ENTREP2: variants seen among roughly 807,000 people sequenced by gnomAD.
ENTREP2 encodes the protein protein ENTREP2.
the ENTREP2 span, among the ~76,000 whole-genome samples, chr15:29,461,421 G>A: frequency 1.3e-5 from 2 of 152,118 alleles, no homozygotes; most frequent in Admixed American, 6.6e-5. Context: ...ATTTGATGGT[G>A]TTGATTTTTA....
chr15:29,136,901 C>CT, the ENTREP2 span: 11 of 822,948 alleles, frequency 1.3e-5, no homozygotes, highest in South Asian at 2.3e-4. Flanking sequence ...CGCTGTATGT[C>CT]TAAGACCCTC....
chr15:29,214,255 C>T, the ENTREP2 span, among the ~76,000 whole-genome samples: 2 of 152,194 alleles, frequency 1.3e-5, no homozygotes, highest in Non-Finnish European at 2.9e-5. Context: ...TTTACTGCGG[C>T]ACTATTCACA....
At chr15:29,352,771 T>A in the ENTREP2 span, among the ~76,000 whole-genome samples, 1 of 152,326 alleles carries the variant, frequency 6.6e-6, no homozygotes, top group African/African-American at 2.4e-5. Flanking sequence ...TTTGTCAGAT[T>A]ATTTTATTCC....
At chr15:29,589,433 A>G in the ENTREP2 span, among the ~76,000 whole-genome samples, 1 of 152,224 alleles carries the variant, frequency 6.6e-6, no homozygotes, top group African/African-American at 2.4e-5. Context: ...GTTTTTAAAC[A>G]ACTCAATTTT....
chr15:29,545,435 C>T, the ENTREP2 span, among the ~76,000 whole-genome samples: 1 of 152,120 alleles, frequency 6.6e-6, no homozygotes, highest in African/African-American at 2.4e-5. Flanking sequence ...AAAACATTAT[C>T]CTATGAATGA....
chr15:29,571,335 C>A, the ENTREP2 span, among the ~76,000 whole-genome samples: 3 of 152,206 alleles, frequency 2.0e-5, no homozygotes, highest in East Asian at 3.9e-4. Flanking sequence ...GCCAGCCGAG[C>A]CTTCAGAGCC....
At chr15:29,503,724 T>C in the ENTREP2 span, among the ~76,000 whole-genome samples, 343 of 152,328 alleles carry the variant, frequency 2.3e-3, 1 homozygote, top group African/African-American at 7.7e-3. Context: ...ATCATACTAA[T>C]AGACAATTAA....
chr15:29,556,375 C>G, the ENTREP2 span, among the ~76,000 whole-genome samples: 1 of 152,128 alleles, frequency 6.6e-6, no homozygotes, highest in Non-Finnish European at 1.5e-5. Flanking sequence ...GTCAATCCCC[C>G]TTTTCACAAA....
At chr15:29,501,522 G>T in the ENTREP2 span, among the ~76,000 whole-genome samples, 1 of 151,966 alleles carries the variant, frequency 6.6e-6, no homozygotes, top group African/African-American at 2.4e-5. Flanking sequence ...TTCTTAACCT[G>T]ATAAAGGGCA....
At chr15:29,136,062 T>TC in the ENTREP2 span, among the ~76,000 whole-genome samples, 10 of 152,128 alleles carry the variant, frequency 6.6e-5, no homozygotes, top group African/African-American at 2.2e-4. Context: ...GAACTGGGGA[T>TC]CTAAGGGGAA....
chr15:29,139,300 G>A, the ENTREP2 span, among the ~76,000 whole-genome samples: 4 of 152,178 alleles, frequency 2.6e-5, no homozygotes, highest in Admixed American at 6.5e-5. Context: ...TGGCTGGACC[G>A]ACCCACGGCT....
At chr15:29,462,485 C>A in the ENTREP2 span, among the ~76,000 whole-genome samples, 121 of 152,126 alleles carry the variant, frequency 8.0e-4, 1 homozygote, top group Middle Eastern at 6.8e-3. Context: ...TGGGCCACAC[C>A]TGTAATGCCA....
the ENTREP2 span, among the ~76,000 whole-genome samples, chr15:29,674,135 G>GT: frequency 2.0e-5 from 3 of 149,738 alleles, no homozygotes; most frequent in Non-Finnish European, 3.0e-5. Flanking sequence ...GGATGGGGGG[G>GT]GGGGGGGGCT....
the ENTREP2 span, among the ~76,000 whole-genome samples, chr15:29,292,541 T>C: frequency 2.0e-5 from 3 of 152,072 alleles, no homozygotes; most frequent in Non-Finnish European, 4.4e-5. Context: ...CCACTACGCA[T>C]GGCTAATTTT....
At chr15:29,570,556 G>A in the ENTREP2 span, 1 of 1,469,162 alleles carries the variant, frequency 6.8e-7, no homozygotes, top group Non-Finnish European at 9.0e-7. Context: ...CCGAGGTGGT[G>A]AGCGCCAGCG....
the ENTREP2 span, among the ~76,000 whole-genome samples, chr15:29,624,791 A>C: frequency 9.2e-5 from 14 of 152,108 alleles, no homozygotes; most frequent in South Asian, 2.1e-4. Flanking sequence ...GCAACATGAG[A>C]GCCAAGGACC....
the ENTREP2 span, among the ~76,000 whole-genome samples, chr15:29,479,245 G>A: frequency 6.2e-5 from 9 of 146,114 alleles, no homozygotes; most frequent in South Asian, 1.3e-3. Flanking sequence ...GCACCTCTCC[G>A]ACCCCCGCTC....
chr15:29,400,432 A>AT, the ENTREP2 span, among the ~76,000 whole-genome samples: 1 of 152,330 alleles, frequency 6.6e-6, no homozygotes, highest in Admixed American at 6.5e-5. Context: ...AGGGAAATTC[A>AT]TTTTTTAAAC....
At chr15:29,374,634 T>C in the ENTREP2 span, 1 of 152,066 alleles carries the variant, frequency 6.6e-6, no homozygotes, top group African/African-American at 2.4e-5. Context: ...TTTTATTCCA[T>C]TTTGAAAAAA....
Sources: gnomAD v4.1 joint callset for allele counts (sites outside exome capture counted in the v4.1 genomes callset) on GRCh38, gnomAD v4.1.1 for gene constraint, MANE v1.5 for transcripts, NCBI Gene and HGNC (gene_info 2026-07-23, HGNC 2026-07-21) for gene names.